NDUFS6: variants seen among roughly 807,000 people sequenced by gnomAD.
NDUFS6 encodes the protein NADH dehydrogenase [ubiquinone] iron-sulfur protein 6, mitochondrial.
In NDUFS6, 14 loss-of-function variants were observed where a neutral mutation model predicts 13.2. The ratio of observed to expected loss-of-function variants is 1.06; its 90% CI spans 0.70 to 1.66. The LOEUF (loss-of-function observed/expected upper bound fraction) is 1.66. NDUFS6 is among the 40% of genes most tolerant of loss of function. NDUFS6 has a pLI of 0.00. For missense variants in NDUFS6, 206 were observed against 170.8 expected (o/e 1.21, Z -1.15); for synonymous variants, 95 against 72.3 (o/e 1.31, Z -1.60).
At chr5:1,805,874 C>G (rs1734114559) in intron 2 of NDUFS6, among the ~76,000 whole-genome samples, 2 of 152,168 alleles carry the variant, frequency 1.3e-5, no homozygotes, top group Non-Finnish European at 2.9e-5. Context: ...CCTGCCTGGC[C>G]GCATCCGGAT....
chr5:1,813,455 C>T (rs928973468), intron 2 of NDUFS6, among the ~76,000 whole-genome samples: 1 of 152,188 alleles, frequency 6.6e-6, no homozygotes, highest in African/African-American at 2.4e-5. Context: ...GTGCTTTCTC[C>T]TTTGGATTTC....
intron 1 of NDUFS6, chr5:1,802,023 A>G (rs991093215): frequency 4.4e-6 from 2 of 456,672 alleles, no homozygotes; most frequent in Non-Finnish European, 7.8e-6. Context: ...CTCTCAGGCC[A>G]TATGCCAAAG....
rs1435963388 is a variant in NDUFS6 at position 1,814,010 on chromosome 5, G to A, written c.187-329G>A. Among the ~76,000 whole-genome samples the A allele has an allele frequency of 6.6e-6, 1 of 152,230 alleles. No homozygotes were observed. The highest frequency in any genetic ancestry group is 1.5e-5 in the Non-Finnish European group (1 of 68,044). On this transcript the variant is annotated intron_variant, in intron 2 of 3. Coordinates refer to ENST00000274137, the MANE Select transcript of NDUFS6 (RefSeq NM_004553.6). The surrounding 1 kb of genome is among the most constrained non-coding windows in gnomAD (Gnocchi z 4.9). ...GCCCGAGCAATACAAATGTCCTCAG[G>A]TGGGACAGAACGATGTGGTGGGGAG...
chr5:1,802,545 TG>T (rs1156487506), intron 2 of NDUFS6, among the ~76,000 whole-genome samples, 171 bp downstream of exon 2: 14 of 152,252 alleles, frequency 9.2e-5, no homozygotes, highest in Admixed American at 9.2e-4. Flanking sequence ...TGTCTATTTC[TG>T]ACTTGTTTCC....
chr5:1,804,984 C>T (rs1313756549), intron 2 of NDUFS6, among the ~76,000 whole-genome samples: 1 of 152,202 alleles, frequency 6.6e-6, no homozygotes, highest in Non-Finnish European at 1.5e-5. Context: ...TCTGCCCAAC[C>T]CCTGGCAGCC....
At chr5:1,809,699 C>T (rs1369781295) in intron 2 of NDUFS6, among the ~76,000 whole-genome samples, 1 of 152,226 alleles carries the variant, frequency 6.6e-6, no homozygotes, top group Non-Finnish European at 1.5e-5. Flanking sequence ...GCCTTTGTGA[C>T]ACGTTGTCAC....
In NDUFS6 at chr5:1,815,855, A is replaced by G; in HGVS notation, c.314A>G (p.Lys105Arg). 9.3e-6 allele frequency: 15 copies of G among 1,614,266 alleles called. No individual in the cohort carries two copies. Among genetic ancestry groups the G allele is most frequent in the Middle Eastern group, 3.3e-4 (2 of 6,062 alleles). ...ATTCCTTTTGAATTTTTTCAGGACA[A>G]AGAAACAAAAACCGGCACATGCGGT... is the stretch of plus-strand genomic sequence containing the variant. ...GHPKVYINLD[K>R]ETKTGTCGYC... The change falls in exon 4 of 4, where the codon AAA (lysine) becomes AGA (arginine). Residue 105 changes from lysine (K) to arginine (R), a missense_variant. Transcript: ENST00000274137.
In NDUFS6 at chr5:1,814,567, G is replaced by C; in HGVS notation, c.309+106G>C. 1 of 1,557,604 alleles carries C rather than the reference G, an allele frequency of 6.4e-7. No individual in the cohort carries two copies. The highest frequency in any genetic ancestry group is 8.7e-7 in the Non-Finnish European group (1 of 1,144,280). On this transcript the variant is annotated intron_variant, in intron 3 of 3. Coordinates refer to ENST00000274137, the MANE Select transcript of NDUFS6 (RefSeq NM_004553.6). The surrounding 1 kb of genome is among the most constrained non-coding windows in gnomAD (Gnocchi z 4.9). ...TCTGTCCTCTTCTCTACCTGCTCCC[G>C]AGGCGGCCCTTACGGGGTTCACACT...
Position 1,814,698 on chromosome 5 carries a change from C to T in NDUFS6, c.309+237C>T, listed in dbSNP as rs538359207. ...GTGGTGGGCGGCATGTTTCTCTTCT[C>T]GGACGCCCAAGCGTCTTTCCTCTCT... On this transcript the variant is annotated intron_variant, in intron 3 of 3. Transcript: ENST00000274137. This position sits in a 1 kb window ranked among gnomAD's most constrained non-coding sequence, Gnocchi z 4.9. The T allele has an allele frequency of 1.9e-5, 14 of 731,678 alleles. No individual in the cohort carries two copies. The highest frequency in any genetic ancestry group is 4.5e-4 in the Middle Eastern group (2 of 4,396). The allele number at this position is 731,678 out of a possible 1,614,324, so 45.3% of individuals were successfully genotyped here. A position where few individuals can be genotyped will look rare whatever the true frequency, so the allele number is the denominator to read the frequency against.
chr5:1,809,382 G>A lies in NDUFS6; in HGVS notation c.187-4957G>A, dbSNP rs73024119. On this transcript the variant is annotated intron_variant, in intron 2 of 3. Transcript: ENST00000274137. ...GGAGCCTTGAGTCTGAACCCAGAGC[G>A]GGGCTTTGTGTTGTGGCTGGGTGTG... 5.9e-3 allele frequency among the ~76,000 whole-genome samples: 894 copies of A among 152,298 alleles called. 3 individuals carry two copies. The highest frequency in any genetic ancestry group is 0.018 in the African/African-American group (740 of 41,560).
chr5:1,807,764 C>T (rs1579214363), intron 2 of NDUFS6, among the ~76,000 whole-genome samples: 1 of 152,236 alleles, frequency 6.6e-6, no homozygotes, highest in Non-Finnish European at 1.5e-5. Flanking sequence ...CAGCACCACC[C>T]GAACCATGTT....
intron 2 of NDUFS6, among the ~76,000 whole-genome samples, chr5:1,806,339 G>A (rs569568267): frequency 6.6e-6 from 1 of 152,158 alleles, no homozygotes; most frequent in Non-Finnish European, 1.5e-5. Flanking sequence ...TCCCTGACCC[G>A]CACAGCCCAC....
At position 1,802,310 on chromosome 5, in the gene NDUFS6, T is replaced by G. The variant is rs779909584; in HGVS notation, c.133-11T>G. 1 of 1,613,154 alleles carries G rather than the reference T, an allele frequency of 6.2e-7. No homozygotes were observed. The highest frequency in any genetic ancestry group is 1.1e-5 in the South Asian group (1 of 90,942). On this transcript the variant is annotated splice_polypyrimidine_tract_variant and intron_variant, in intron 1 of 3. Transcript: ENST00000274137. ...GTAAAAGTCACACATGGTCTTTTTG[T>G]TTTTTTCCAGGTTTATGATGATAAA...
At chr5:1,808,185 G>A (rs903229299) in intron 2 of NDUFS6, among the ~76,000 whole-genome samples, 2 of 152,194 alleles carry the variant, frequency 1.3e-5, no homozygotes, top group Non-Finnish European at 2.9e-5. Flanking sequence ...GGGGAGGTTT[G>A]CCTGAGTCTC....
rs965872290 is a variant in NDUFS6, at chr5:1,801,488, G to A, written c.71G>A (p.Gly24Asp). The A allele has an allele frequency of 1.2e-6, 2 of 1,603,030 alleles. No homozygotes were observed. Among genetic ancestry groups the A allele is most frequent in the African/African-American group, 1.3e-5 (1 of 75,000 alleles). ...CGEAARSLPL[G>D]ARCFGVRVSP... ...GAGGCGGCGCGGAGCCTGCCCCTGG[G>A]CGCCAGGTGTTTCGGGGTGCGGGTC... The change falls in exon 1 of 4, where the codon GGC (glycine) becomes GAC (aspartate). Residue 24 changes from glycine to aspartate, a missense_variant. By Grantham distance (94) the Gly-to-Asp change is moderately conservative. Coordinates refer to ENST00000274137, the MANE Select transcript of NDUFS6 (RefSeq NM_004553.6).
At chr5:1,805,117 G>A (rs1157895626) in intron 2 of NDUFS6, among the ~76,000 whole-genome samples, 1 of 152,222 alleles carries the variant, frequency 6.6e-6, no homozygotes, top group East Asian at 1.9e-4. Flanking sequence ...GATCACTTGA[G>A]CCCAGGCGTT....
chr5:1,802,099 A>T, intron 1 of NDUFS6: 1 of 550,440 alleles, frequency 1.8e-6, no homozygotes, highest in Non-Finnish European at 3.2e-6. Flanking sequence ...TTCCCGGGCT[A>T]TGTCTCTGTG....
At position 1,802,371 on chromosome 5, in the gene NDUFS6, A is replaced by G; in HGVS notation, c.183A>G (p.Lys61=). 6.2e-7 allele frequency: 1 copy of G among 1,613,858 alleles called. No homozygotes were observed. The highest frequency in any genetic ancestry group is 8.5e-7 in the Non-Finnish European group (1 of 1,179,788). ...GAATTCGGTTTGTAGGTCGTCAGAA[A>G]GAGGTGAGTAAAAAATCTAGTGAAG... The part of the protein sequence containing the change: ...YRRIRFVGRQ[K]EVNENFAIDL... The change falls in exon 2 of 4, where the codon AAA becomes AAG. Residue 61 remains lysine (K), a synonymous_variant. Coordinates refer to ENST00000274137, the MANE Select transcript of NDUFS6 (RefSeq NM_004553.6).
intron 2 of NDUFS6, among the ~76,000 whole-genome samples, chr5:1,808,219 G>C (rs543871339): frequency 6.6e-6 from 1 of 152,170 alleles, no homozygotes; most frequent in African/African-American, 2.4e-5. Context: ...CAACCTGGGC[G>C]TCCTTTAGGG....
Sources: gnomAD v4.1 joint callset for allele counts (sites outside exome capture counted in the v4.1 genomes callset) on GRCh38, gnomAD v4.1.1 for gene constraint, Gnocchi (gnomAD v3.1) non-coding constraint, MANE v1.5 for transcripts, NCBI Gene and HGNC (gene_info 2026-07-23, HGNC 2026-07-21) for gene names.